The following PRKG1 variants were observed in gnomAD, a reference collection of about 807,000 sequenced individuals.
PRKG1 encodes the protein protein kinase cGMP-dependent 1.
Under a neutral mutation model 88.1 loss-of-function variants are expected in PRKG1, and 35 were observed. The observed-to-expected ratio is 0.40, with a 90% CI of 0.30 to 0.53. The LOEUF (loss-of-function observed/expected upper bound fraction) is 0.53, where lower values mean the gene tolerates loss of function less well. PRKG1 is among the 20% of genes least tolerant of loss of function. The pLI is 0.59. For synonymous variants in PRKG1, 303 were observed against 292.5 expected, an observed-to-expected ratio of 1.04 and a Z score of -0.37; for missense variants, 540 against 839.8, an observed-to-expected ratio of 0.64 and a Z score of 4.41.
intron 2 of PRKG1, among the ~76,000 whole-genome samples, chr10:51,303,880 G>A (rs1840960824): frequency 6.6e-6 from 1 of 152,064 alleles, no homozygotes; most frequent in Admixed American, 6.6e-5. Context: ...GAGCGCAGTG[G>A]TGTGATCTCA....
intron 3 of PRKG1, among the ~76,000 whole-genome samples, chr10:51,502,385 T>C (rs1054418317): frequency 6.6e-6 from 1 of 152,204 alleles, no homozygotes; most frequent in Non-Finnish European, 1.5e-5. Flanking sequence ...GAGCACAAAT[T>C]GCTATCTGAA....
At chr10:51,898,143 C>T (rs1357230594) in intron 4 of PRKG1, among the ~76,000 whole-genome samples, 1 of 152,080 alleles carries the variant, frequency 6.6e-6, no homozygotes, top group African/African-American at 2.4e-5. Context: ...TGCTCTTCCC[C>T]AGAATCCAGT....
intron 2 of PRKG1, among the ~76,000 whole-genome samples, chr10:51,380,843 C>T (rs944377465): frequency 3.3e-5 from 5 of 152,068 alleles, no homozygotes; most frequent in Non-Finnish European, 5.9e-5. Context: ...ACTTAGGCGA[C>T]GTCCAGGAAG....
chr10:52,154,974 A>AT (rs1048355229), intron 8 of PRKG1, among the ~76,000 whole-genome samples: 4 of 152,024 alleles, frequency 2.6e-5, no homozygotes, highest in South Asian at 2.1e-4. Flanking sequence ...TCATTATTTC[A>AT]TTTTTTTATG....
At chr10:51,959,327 A>G (rs1307085207) in intron 5 of PRKG1, among the ~76,000 whole-genome samples, 2 of 152,176 alleles carry the variant, frequency 1.3e-5, no homozygotes, top group Non-Finnish European at 2.9e-5. Flanking sequence ...GCCTTGAAAG[A>G]TATCTAGGAA....
At chr10:51,675,515 G>A (rs931469763) in intron 3 of PRKG1, among the ~76,000 whole-genome samples, 3 of 152,086 alleles carry the variant, frequency 2.0e-5, no homozygotes, top group South Asian at 2.1e-4. Flanking sequence ...TTGAGACACC[G>A]AGTTGTCAAA....
intron 3 of PRKG1, among the ~76,000 whole-genome samples, chr10:51,515,161 A>G (rs1488024333): frequency 1.3e-5 from 2 of 152,238 alleles, no homozygotes; most frequent in African/African-American, 4.8e-5. Context: ...TCAATTATAT[A>G]TATTTTATAA....
At chr10:51,884,176 G>T (rs1325529634) in intron 4 of PRKG1, among the ~76,000 whole-genome samples, 1 of 151,782 alleles carries the variant, frequency 6.6e-6, no homozygotes, top group Non-Finnish European at 1.5e-5. Context: ...GCCGGGCGCG[G>T]TGGCTCACGC....
At chr10:51,722,111 T>A (rs948982181) in intron 3 of PRKG1, among the ~76,000 whole-genome samples, 6 of 151,896 alleles carry the variant, frequency 4.0e-5, no homozygotes, top group Non-Finnish European at 7.4e-5. Context: ...GCACCTGTAA[T>A]CCCAGCTACT....
chr10:51,943,177 G>A (rs540513845), intron 5 of PRKG1, among the ~76,000 whole-genome samples: 1 of 152,008 alleles, frequency 6.6e-6, no homozygotes, highest in South Asian at 2.1e-4. Context: ...ACGTCCCTTG[G>A]AAGTTGGATT....
At chr10:52,254,817 A>C (rs1841269881) in intron 10 of PRKG1, among the ~76,000 whole-genome samples, 1 of 152,074 alleles carries the variant, frequency 6.6e-6, no homozygotes, top group Admixed American at 6.6e-5. Context: ...ATAATAAGAA[A>C]CTTAAATGTG....
chr10:51,633,565 C>T (rs748803565), intron 3 of PRKG1, among the ~76,000 whole-genome samples: 3 of 152,026 alleles, frequency 2.0e-5, no homozygotes, highest in Non-Finnish European at 4.4e-5. Context: ...AAAGTGAAGG[C>T]ATAAACATGA....
chr10:51,530,415 G>A (rs1841989548), intron 3 of PRKG1, among the ~76,000 whole-genome samples: 1 of 151,848 alleles, frequency 6.6e-6, no homozygotes. Context: ...GCAACTCTCG[G>A]GTGGGCAAAC....
intron 1 of PRKG1, among the ~76,000 whole-genome samples, chr10:51,135,979 A>AG (rs1845676765): frequency 7.0e-5 from 1 of 14,366 alleles, no homozygotes; most frequent in Non-Finnish European, 1.4e-4. Context: ...GGAAGGGGGG[A>AG]GGGGGGAGGG....
chr10:51,120,089 T>A (rs914717266), intron 1 of PRKG1, among the ~76,000 whole-genome samples: 1 of 152,124 alleles, frequency 6.6e-6, no homozygotes, highest in Non-Finnish European at 1.5e-5. Flanking sequence ...TTTTAACTTT[T>A]AAGAAAAAGT....
chr10:51,246,281 A>T (rs1480983134), intron 2 of PRKG1, among the ~76,000 whole-genome samples: 1 of 152,148 alleles, frequency 6.6e-6, no homozygotes, highest in African/African-American at 2.4e-5. Context: ...ACTAATAAAA[A>T]GTTGTTTTGA....
At chr10:51,953,363 C>A (rs1843229643) in intron 5 of PRKG1, among the ~76,000 whole-genome samples, 1 of 130,644 alleles carries the variant, frequency 7.7e-6, no homozygotes, top group South Asian at 2.1e-4. Context: ...GTGTGAGAAA[C>A]AAAATCAGTT....
rs190700143 is a variant in PRKG1 at position 51,982,977 on chromosome 10, C to T, written c.763-71507C>T. On this transcript the variant is annotated intron_variant, in intron 5 of 17. Transcript: ENST00000373980. ...ACTGTACCCATGGTTGTGCTGGTGA[C>T]GGTGTTAATATGGGGATGGGGCACT... Among the ~76,000 whole-genome samples the T allele has an allele frequency of 9.2e-5, 14 of 152,176 alleles. 1 individual carries two copies. The highest frequency in any genetic ancestry group is 1.9e-4 in the East Asian group (1 of 5,166).
At chr10:51,928,274 T>C (rs537661146) in intron 5 of PRKG1, among the ~76,000 whole-genome samples, 1 of 152,340 alleles carries the variant, frequency 6.6e-6, no homozygotes, top group African/African-American at 2.4e-5. Context: ...TTTCTCTATT[T>C]GAGGAAAAAG....
Sources: gnomAD v4.1 joint callset for allele counts (sites outside exome capture counted in the v4.1 genomes callset) on GRCh38, gnomAD v4.1.1 for gene constraint, MANE v1.5 for transcripts, NCBI Gene and HGNC (gene_info 2026-07-23, HGNC 2026-07-21) for gene names.